Variants in SLC30A8 observed in about 807,000 individuals in gnomAD.
The protein encoded by SLC30A8 is proton-coupled zinc antiporter SLC30A8.
A neutral mutation model predicts 36.9 loss-of-function variants in SLC30A8; 27 were observed. The ratio of observed to expected loss-of-function variants is 0.73; its 90% CI spans 0.54 to 1.01. The LOEUF (loss-of-function observed/expected upper bound fraction) is 1.01, where lower values mean the gene tolerates loss of function less well. Among genes scored for constraint, SLC30A8 ranks in the 50% least tolerant of loss-of-function variants. The probability of loss-of-function intolerance (pLI) is 0.00; values close to 1 mark genes in which losing one functional copy is unlikely to be tolerated. For missense variants in SLC30A8, 439 were observed against 452.0 expected, an observed-to-expected ratio of 0.97 and a Z score of 0.26; for synonymous variants, 164 against 172.4, an observed-to-expected ratio of 0.95 and a Z score of 0.38.
intron 1 of SLC30A8, among the ~76,000 whole-genome samples, chr8:117,017,556 A>C (rs1029503786): frequency 1.2e-4 from 19 of 152,352 alleles, no homozygotes; most frequent in African/African-American, 4.3e-4. Context: ...ATTGACGTGG[A>C]GCCACAGTGA....
chr8:116,978,629 A>G (rs1815141108), intron 1 of SLC30A8, among the ~76,000 whole-genome samples: 4 of 152,192 alleles, frequency 2.6e-5, no homozygotes, highest in Admixed American at 1.3e-4. Flanking sequence ...TAAATAAAAT[A>G]TCTCACAAAA....
chr8:117,099,337 A>G (rs1320569630), intron 2 of SLC30A8, among the ~76,000 whole-genome samples: 1 of 152,122 alleles, frequency 6.6e-6, no homozygotes, highest in Non-Finnish European at 1.5e-5. Context: ...CTCAGCTACA[A>G]TGTCACCTTC....
intron 2 of SLC30A8, among the ~76,000 whole-genome samples, chr8:117,065,253 T>C (rs1818134418): frequency 6.6e-6 from 1 of 152,172 alleles, no homozygotes; most frequent in Admixed American, 6.5e-5. Flanking sequence ...TATATAACTT[T>C]TCTCTATGCT....
At chr8:117,172,252 G>A (rs1823419514) in intron 7 of SLC30A8, among the ~76,000 whole-genome samples, 1 of 152,032 alleles carries the variant, frequency 6.6e-6, no homozygotes, top group South Asian at 2.1e-4. Flanking sequence ...CTTTTTCCAG[G>A]GCTTGTCTCC....
At chr8:117,027,399 T>A (rs1816908420) in intron 1 of SLC30A8, among the ~76,000 whole-genome samples, 1 of 152,188 alleles carries the variant, frequency 6.6e-6, no homozygotes. Context: ...CTACAGCTGT[T>A]TTCTTCCCAT....
intron 1 of SLC30A8, among the ~76,000 whole-genome samples, chr8:117,024,802 AT>A (rs1174927702): frequency 6.6e-6 from 1 of 151,478 alleles, no homozygotes; most frequent in African/African-American, 2.4e-5. Flanking sequence ...GTTTTTTTTA[AT>A]TTTTTTCCAA....
At chr8:117,078,024 A>G (rs1410930152) in intron 2 of SLC30A8, among the ~76,000 whole-genome samples, 1 of 152,240 alleles carries the variant, frequency 6.6e-6, no homozygotes, top group African/African-American at 2.4e-5. Flanking sequence ...TCTGAATTTT[A>G]GAGAAATGTC....
At chr8:117,136,948 A>ATT (rs915366511) in intron 1 of SLC30A8, among the ~76,000 whole-genome samples, 4 of 152,020 alleles carry the variant, frequency 2.6e-5, no homozygotes, top group African/African-American at 9.7e-5. Flanking sequence ...GGAAGAGATT[A>ATT]TTTATCTCGA....
At chr8:117,046,351 G>A (rs1471429946) in intron 2 of SLC30A8, among the ~76,000 whole-genome samples, 1 of 152,164 alleles carries the variant, frequency 6.6e-6, no homozygotes, top group African/African-American at 2.4e-5. Flanking sequence ...GATCACTTCT[G>A]CATGCGTCTT....
At chr8:117,004,885 A>AT (rs1388952683) in intron 1 of SLC30A8, among the ~76,000 whole-genome samples, 2 of 152,048 alleles carry the variant, frequency 1.3e-5, no homozygotes, top group South Asian at 2.1e-4. Context: ...AAATAAGAGC[A>AT]TTTTTTGCAA....
At chr8:117,138,333 A>G (rs138302361) in intron 1 of SLC30A8, among the ~76,000 whole-genome samples, 117 of 152,140 alleles carry the variant, frequency 7.7e-4, no homozygotes, top group African/African-American at 2.8e-3. Flanking sequence ...CATGCAGAAA[A>G]TTAATAATTA....
intron 3 of SLC30A8, among the ~76,000 whole-genome samples, chr8:117,153,441 C>T (rs1257337777): frequency 6.6e-6 from 1 of 152,088 alleles, no homozygotes; most frequent in African/African-American, 2.4e-5. Context: ...TGCCATATTG[C>T]AAAATGAGGC....
chr8:117,012,464 A>T (rs778433906), intron 1 of SLC30A8, among the ~76,000 whole-genome samples: 5 of 152,010 alleles, frequency 3.3e-5, no homozygotes, highest in Non-Finnish European at 7.4e-5. Context: ...TTGTCATGTC[A>T]TTATTACCCA....
intron 1 of SLC30A8, among the ~76,000 whole-genome samples, chr8:116,958,841 AT>A (rs758505118): frequency 2.2e-3 from 131 of 60,014 alleles, no homozygotes; most frequent in African/African-American, 7.0e-3. Context: ...TGCTCTTTTC[AT>A]TTTTTTTTTT....
intron 5 of SLC30A8, among the ~76,000 whole-genome samples, chr8:117,162,457 A>C (rs1304185442): frequency 6.6e-6 from 1 of 152,058 alleles, no homozygotes; most frequent in Non-Finnish European, 1.5e-5. Flanking sequence ...CCAAGGTGCT[A>C]ATGAAAAGTG....
intron 1 of SLC30A8, among the ~76,000 whole-genome samples, chr8:116,994,379 A>G (rs1398957831): frequency 7.9e-5 from 12 of 152,100 alleles, no homozygotes; most frequent in Admixed American, 5.2e-4. Context: ...ATTACTCATG[A>G]TAGGAACAAC....
intron 2 of SLC30A8, among the ~76,000 whole-genome samples, chr8:117,088,459 C>G (rs1401399731): frequency 2.6e-5 from 4 of 152,096 alleles, no homozygotes; most frequent in Non-Finnish European, 4.4e-5. Context: ...ATTAATAACC[C>G]AAATACCTGC....
intron 6 of SLC30A8, among the ~76,000 whole-genome samples, chr8:117,166,766 A>ATTTTTTTTTTTTTTTTTTTT (rs71305462): frequency 3.9e-5 from 5 of 128,676 alleles, no homozygotes; most frequent in East Asian, 2.3e-4. Flanking sequence ...ACATTAGCTG[A>ATTTTTTTTTTTTTTTTTTTT]TTTTTTTTTT....
chr8:117,016,807 T>C (rs1333993638), intron 1 of SLC30A8, among the ~76,000 whole-genome samples: 1 of 152,208 alleles, frequency 6.6e-6, no homozygotes, highest in African/African-American at 2.4e-5. Flanking sequence ...AAAATAGTGA[T>C]TCTTTCTCCA....
Sources: gnomAD v4.1 joint callset for allele counts (sites outside exome capture counted in the v4.1 genomes callset) on GRCh38, gnomAD v4.1.1 for gene constraint, MANE v1.5 for transcripts, NCBI Gene and HGNC (gene_info 2026-07-23, HGNC 2026-07-21) for gene names.